The following AQP9 variants were observed in gnomAD, a reference collection of about 807,000 sequenced individuals.
The protein encoded by AQP9 is aquaporin 9, also known as aquaporin-9.
A neutral mutation model predicts 23.8 loss-of-function variants in AQP9; 19 were observed. The ratio of observed to expected loss-of-function variants is 0.80; its 90% CI spans 0.56 to 1.17. The LOEUF is 1.17. Among genes scored for constraint, AQP9 ranks in the 50% most tolerant of loss-of-function variants. AQP9 has a pLI of 0.00. For missense variants in AQP9, 413 were observed against 362.0 expected, an observed-to-expected ratio of 1.14 and a Z score of -1.14; for synonymous variants, 153 against 131.5, an observed-to-expected ratio of 1.16 and a Z score of -1.12.
At chr15:58,168,535 C>A (rs1169672927) in intron 2 of AQP9, among the ~76,000 whole-genome samples, 1 of 151,900 alleles carries the variant, frequency 6.6e-6, no homozygotes, top group African/African-American at 2.4e-5. Context: ...CAGCTGGCAC[C>A]CTTTCCATAT....
chr15:58,148,071 A>C (rs1384208776), intron 1 of AQP9, among the ~76,000 whole-genome samples: 1 of 152,304 alleles, frequency 6.6e-6, no homozygotes, highest in African/African-American at 2.4e-5. Flanking sequence ...AAACTTGTAC[A>C]TATTCATATG....
At chr15:58,181,530 A>C (rs548580179) in intron 5 of AQP9, among the ~76,000 whole-genome samples, 33 of 152,186 alleles carry the variant, frequency 2.2e-4, no homozygotes, top group Admixed American at 3.3e-4. Context: ...GGGTTATCTC[A>C]GGCAGAGAGA....
At position 58,174,884 on chromosome 15, in the gene AQP9, G is replaced by C. The variant is rs780233266; in HGVS notation, c.377-34G>C. The C allele has an allele frequency of 3.8e-6, 6 of 1,578,872 alleles. No individual in the cohort carries two copies. In the Admixed American group the frequency reaches 5.0e-5, roughly 13 times the overall value. ...CAGGCCTCCTTCAACTCTTCCCAGG[G>C]AACACTAATGTGCCAGAGCTTTCTC... On this transcript the variant is annotated intron_variant, in intron 3 of 5. Transcript: ENST00000219919.
At chr15:58,169,648 C>T (rs1254366856) in intron 2 of AQP9, among the ~76,000 whole-genome samples, 1 of 152,122 alleles carries the variant, frequency 6.6e-6, no homozygotes, top group African/African-American at 2.4e-5. Context: ...TTTGTGGTCA[C>T]CGACTAGTGA....
In AQP9 at chr15:58,175,920, C is replaced by A. The variant is rs142276862; in HGVS notation, c.495+884C>A. On this transcript the variant is annotated intron_variant, in intron 4 of 5. Coordinates refer to ENST00000219919, the MANE Select transcript of AQP9 (RefSeq NM_020980.5). ...CATTAAAAACTCACTATGTGCTTGG[C>A]CCTTTGTCTGGAGCTTGAAAGACTG... Among the ~76,000 whole-genome samples the A allele has an allele frequency of 1.0e-3, 154 of 152,322 alleles. 4 individuals are homozygous for A. The East Asian group carries it at 0.027, about 26-fold the overall frequency.
chr15:58,180,795 C>T (rs932971605), intron 5 of AQP9, among the ~76,000 whole-genome samples: 1 of 152,200 alleles, frequency 6.6e-6, no homozygotes. Context: ...ATGCACACGG[C>T]ACACCTCCCA....
At position 58,166,280 on chromosome 15, in the gene AQP9, G is replaced by A. The variant is rs540568960; in HGVS notation, c.112-393G>A. ...CTGTGAACAACCAGATCTTTTGGTT[G>A]ATTAAAAGGAACCAGTGGGTAACAG... On this transcript the variant is annotated intron_variant, in intron 1 of 5. Coordinates refer to ENST00000219919, the MANE Select transcript of AQP9 (RefSeq NM_020980.5). Among the ~76,000 whole-genome samples, 10 of 152,288 alleles carry A rather than the reference G, an allele frequency of 6.6e-5. No individual in the cohort carries two copies. The South Asian group carries it at 2.1e-3, about 32-fold the overall frequency.
At chr15:58,148,604 G>C (rs1285184331) in intron 1 of AQP9, among the ~76,000 whole-genome samples, 2 of 152,182 alleles carry the variant, frequency 1.3e-5, no homozygotes, top group African/African-American at 4.8e-5. Flanking sequence ...CAGAGTCACA[G>C]TTATCCTGAT....
At chr15:58,172,227 C>T (rs531885664) in intron 2 of AQP9, among the ~76,000 whole-genome samples, 1 of 152,306 alleles carries the variant, frequency 6.6e-6, no homozygotes, top group Admixed American at 6.5e-5. Context: ...GTTTTCTCAT[C>T]CGTTAACTGG....
chr15:58,149,449 G>T (rs1898108561), intron 1 of AQP9, among the ~76,000 whole-genome samples: 1 of 152,168 alleles, frequency 6.6e-6, no homozygotes, highest in Admixed American at 6.5e-5. Flanking sequence ...ATGGGAATGT[G>T]AGAGCAATTC....
intron 1 of AQP9, among the ~76,000 whole-genome samples, chr15:58,141,985 C>T (rs1339259221): frequency 6.6e-6 from 1 of 152,086 alleles, no homozygotes; most frequent in Non-Finnish European, 1.5e-5. Flanking sequence ...TTTGGAATGC[C>T]CAGGTACTGG....
intron 1 of AQP9, among the ~76,000 whole-genome samples, chr15:58,156,627 G>A (rs530256926): frequency 2.4e-3 from 366 of 152,256 alleles, no homozygotes; most frequent in Non-Finnish European, 4.1e-3. Flanking sequence ...CCTGTAAATA[G>A]CATGCAGTTT....
At chr15:58,146,757 G>C (rs1264375377) in intron 1 of AQP9, 1 of 152,152 alleles carries the variant, frequency 6.6e-6, no homozygotes, top group Non-Finnish European at 1.5e-5. Context: ...GGTTCCCCAG[G>C]TATACCGCCA....
At chr15:58,164,815 T>C (rs1898463288) in intron 1 of AQP9, among the ~76,000 whole-genome samples, 2 of 152,096 alleles carry the variant, frequency 1.3e-5, no homozygotes, top group Admixed American at 6.5e-5. Flanking sequence ...TAACTTATTC[T>C]CCTCTAAAGG....
At chr15:58,182,389 G>A (rs1039340130) in intron 5 of AQP9, among the ~76,000 whole-genome samples, 5 of 152,124 alleles carry the variant, frequency 3.3e-5, no homozygotes, top group Admixed American at 6.5e-5. Flanking sequence ...ACATCTGAGC[G>A]CCTCCATTTG....
intron 1 of AQP9, among the ~76,000 whole-genome samples, chr15:58,149,832 T>C (rs1004389566): frequency 3.3e-5 from 5 of 152,168 alleles, no homozygotes; most frequent in Non-Finnish European, 7.4e-5. Context: ...TGGTAAGCCC[T>C]AAATGACTCC....
chr15:58,177,164 C>A (rs1273880628), intron 4 of AQP9, among the ~76,000 whole-genome samples: 1 of 152,168 alleles, frequency 6.6e-6, no homozygotes, highest in African/African-American at 2.4e-5. Flanking sequence ...TTTGGGGTCA[C>A]CTTATTTCAA....
intron 2 of AQP9, among the ~76,000 whole-genome samples, chr15:58,170,074 C>T (rs1317851): frequency 0.25 from 38,648 of 151,984 alleles, 6,243 homozygotes; most frequent in African/African-American, 0.47. Flanking sequence ...CCAGCAACCT[C>T]GGCAAAGCCA....
chr15:58,170,917 A>G (rs1360036058), intron 2 of AQP9, among the ~76,000 whole-genome samples: 2 of 151,898 alleles, frequency 1.3e-5, no homozygotes, highest in African/African-American at 4.8e-5. Context: ...GTGATCACTT[A>G]CGGCCCCCTT....
Sources: gnomAD v4.1 joint callset for allele counts (sites outside exome capture counted in the v4.1 genomes callset) on GRCh38, gnomAD v4.1.1 for gene constraint, MANE v1.5 for transcripts, NCBI Gene and HGNC (gene_info 2026-07-23, HGNC 2026-07-21) for gene names.